The following MTX2 variants were observed in gnomAD, a reference collection of about 807,000 sequenced individuals.
The protein encoded by MTX2 is metaxin 2.
Under a neutral mutation model 42.3 loss-of-function variants are expected in MTX2, and 35 were observed. The observed-to-expected ratio is 0.83, with a 90% CI of 0.63 to 1.10. The LOEUF (loss-of-function observed/expected upper bound fraction) is 1.10, where lower values mean the gene tolerates loss of function less well. Among genes scored for constraint, MTX2 ranks in the 50% least tolerant of loss-of-function variants. The probability of loss-of-function intolerance (pLI) is 0.00; values close to 1 mark genes in which losing one functional copy is unlikely to be tolerated. For synonymous variants in MTX2, 119 were observed against 100.9 expected, an observed-to-expected ratio of 1.18 and a Z score of -1.08; for missense variants, 307 against 304.1, an observed-to-expected ratio of 1.01 and a Z score of -0.07.
At chr2:176,313,367 T>C (rs926244118) in intron 3 of MTX2, among the ~76,000 whole-genome samples, 1 of 151,112 alleles carries the variant, frequency 6.6e-6, no homozygotes, top group Non-Finnish European at 1.5e-5. Flanking sequence ...CTCATTAACT[T>C]CTTATTGTTC....
chr2:176,302,135 T>A (rs531544079), intron 3 of MTX2, among the ~76,000 whole-genome samples: 6 of 151,892 alleles, frequency 4.0e-5, no homozygotes, highest in African/African-American at 1.4e-4. Flanking sequence ...TGTTTTTTTT[T>A]TTTTTTTGTA....
At chr2:176,298,331 G>A (rs1190744561) in intron 3 of MTX2, among the ~76,000 whole-genome samples, 5 of 151,916 alleles carry the variant, frequency 3.3e-5, no homozygotes, top group South Asian at 2.1e-4. Context: ...CTTTTAATCT[G>A]TTTGGTAATC....
intron 3 of MTX2, among the ~76,000 whole-genome samples, chr2:176,311,203 C>G (rs1380007325): frequency 1.3e-5 from 2 of 152,172 alleles, no homozygotes; most frequent in Non-Finnish European, 2.9e-5. Flanking sequence ...ACTCCAGACC[C>G]TGTTTGCCTG....
At chr2:176,313,031 T>A (rs1174869600) in intron 3 of MTX2, among the ~76,000 whole-genome samples, 1 of 151,962 alleles carries the variant, frequency 6.6e-6, no homozygotes, top group East Asian at 1.9e-4. Flanking sequence ...TTTTAATTTT[T>A]CTCATAAGGA....
rs760460901 is a variant in MTX2 at position 176,296,868 on chromosome 2, C to T, written c.49C>T (p.Pro17Ser). Residue 17 changes from proline (P) to serine (S), a missense_variant, in exon 2 of 10, where the codon CCT (proline) becomes TCT (serine). By Grantham distance (74) the Pro-to-Ser change is moderately conservative (BLOSUM62 -1). Transcript: ENST00000249442. ...AFVSQIAAAE[P>S]WPENATLYQQ... is the part of the protein sequence containing the mutation. ...CTGCCTTGTTTCCATAGCTGCAGAA[C>T]CTTGGCCTGAAAATGCTACATTATA... The T allele has an allele frequency of 6.2e-6, 10 of 1,613,446 alleles. No individual in the cohort carries two copies. The highest frequency in any genetic ancestry group is 8.5e-7 in the Non-Finnish European group (1 of 1,179,638).
intron 8 of MTX2, 99 bp from the exon 9 acceptor site, chr2:176,330,485 A>G (rs1684835087): frequency 1.4e-6 from 1 of 735,918 alleles, no homozygotes; most frequent in Non-Finnish European, 2.2e-6. Context: ...ACTTAAATTT[A>G]TATTTTTGTT....
chr2:176,278,409 C>G (rs1378351383), intron 1 of MTX2, among the ~76,000 whole-genome samples: 1 of 151,814 alleles, frequency 6.6e-6, no homozygotes, highest in Non-Finnish European at 1.5e-5. Context: ...ATAATAAGAT[C>G]CCTTCAGAGG....
intron 1 of MTX2, among the ~76,000 whole-genome samples, chr2:176,278,500 C>G (rs1693002400): frequency 6.6e-6 from 1 of 152,054 alleles, no homozygotes; most frequent in Non-Finnish European, 1.5e-5. Flanking sequence ...ACATTTTATA[C>G]TCTGAAATTA....
intron 9 of MTX2, 60 bp downstream of exon 9, chr2:176,330,720 TTTTC>T: frequency 3.4e-6 from 4 of 1,165,436 alleles, no homozygotes; most frequent in Non-Finnish European, 5.0e-6. Context: ...AAATTTCTTT[TTTTC>T]ATAAAAGAAT....
chr2:176,337,365 A>G (rs1160878311), intron 9 of MTX2, 128 bp from the exon 10 acceptor site: 5 of 713,522 alleles, frequency 7.0e-6, no homozygotes, highest in Non-Finnish European at 1.1e-5. Flanking sequence ...CTAATCTTTT[A>G]AAATATTTTG....
intron 1 of MTX2, among the ~76,000 whole-genome samples, chr2:176,284,435 G>C (rs1693150207): frequency 6.6e-6 from 1 of 152,072 alleles, no homozygotes; most frequent in South Asian, 2.1e-4. Flanking sequence ...AAGTTTGTCA[G>C]GTTTACGAAA....
At chr2:176,317,265 GTTC>G (rs568556902) in intron 3 of MTX2, among the ~76,000 whole-genome samples, 46 of 150,634 alleles carry the variant, frequency 3.1e-4, no homozygotes, top group African/African-American at 9.5e-4. Context: ...CCTGATCTCT[GTTC>G]TTTTTTCTCA....
chr2:176,270,565 A>G (rs1692783876), intron 1 of MTX2: 1 of 401,212 alleles, frequency 2.5e-6, no homozygotes, highest in Admixed American at 3.7e-5. Context: ...TTTCAACATG[A>G]GTACAGTAAT....
intron 4 of MTX2, among the ~76,000 whole-genome samples, chr2:176,324,635 G>A (rs1331650624): frequency 2.0e-5 from 3 of 151,612 alleles, no homozygotes; most frequent in African/African-American, 7.3e-5. Flanking sequence ...GTAATCTAAT[G>A]CTAAAGTTCA....
intron 3 of MTX2, among the ~76,000 whole-genome samples, chr2:176,316,563 G>A (rs1351148202): frequency 6.6e-6 from 1 of 151,866 alleles, no homozygotes; most frequent in Non-Finnish European, 1.5e-5. Flanking sequence ...CATCATGCTT[G>A]TCCATTTTTT....
At chr2:176,287,271 G>A (rs897774551) in intron 1 of MTX2, among the ~76,000 whole-genome samples, 1 of 152,130 alleles carries the variant, frequency 6.6e-6, no homozygotes, top group Admixed American at 6.5e-5. Context: ...TTGAATGAAC[G>A]ATAAAACTGA....
chr2:176,304,741 A>G (rs984222039), intron 3 of MTX2, among the ~76,000 whole-genome samples: 1 of 152,062 alleles, frequency 6.6e-6, no homozygotes, highest in Non-Finnish European at 1.5e-5. Context: ...ATGGCATTGC[A>G]TGCTTGCGAG....
At chr2:176,313,624 C>CTAT (rs1453356460) in intron 3 of MTX2, among the ~76,000 whole-genome samples, 1 of 152,046 alleles carries the variant, frequency 6.6e-6, no homozygotes, top group Non-Finnish European at 1.5e-5. Context: ...AGCTCCTGAC[C>CTAT]TCAAATAATC....
At chr2:176,291,748 G>C (rs577593114) in intron 1 of MTX2, among the ~76,000 whole-genome samples, 1 of 152,074 alleles carries the variant, frequency 6.6e-6, no homozygotes, top group Non-Finnish European at 1.5e-5. Context: ...TTACACGCTC[G>C]TGAACCTGGC....
Sources: gnomAD v4.1 joint callset for allele counts (sites outside exome capture counted in the v4.1 genomes callset) on GRCh38, gnomAD v4.1.1 for gene constraint, MANE v1.5 for transcripts, NCBI Gene and HGNC (gene_info 2026-07-23, HGNC 2026-07-21) for gene names.